IL12RB2: variants seen among roughly 807,000 people sequenced by gnomAD.
IL12RB2 encodes the protein interleukin-12 receptor subunit beta-2.
Under a neutral mutation model 89.4 loss-of-function variants are expected in IL12RB2, and 82 were observed. The observed-to-expected ratio is 0.92, with a 90% CI of 0.77 to 1.10. IL12RB2 has a LOEUF of 1.10. Among genes scored for constraint, IL12RB2 ranks in the 50% least tolerant of loss-of-function variants. IL12RB2 has a pLI of 0.00. For synonymous variants in IL12RB2, 368 were observed against 370.1 expected (o/e 0.99, Z 0.07); for missense variants, 963 against 1,031.9 (o/e 0.93, Z 0.92).
chr1:67,310,945 G>C (rs1014867268), intron 1 of IL12RB2, among the ~76,000 whole-genome samples: 1 of 152,012 alleles, frequency 6.6e-6, no homozygotes, highest in Non-Finnish European at 1.5e-5. Flanking sequence ...GGATGGTCTC[G>C]ATCTCTTGAC....
chr1:67,342,330 A>G (rs1295981750), intron 9 of IL12RB2, among the ~76,000 whole-genome samples: 1 of 152,178 alleles, frequency 6.6e-6, no homozygotes, highest in Non-Finnish European at 1.5e-5. Context: ...AGGAAGCACC[A>G]AGTAAAACCC....
chr1:67,332,772 GA>G (rs1658265197), intron 8 of IL12RB2, among the ~76,000 whole-genome samples: 2 of 152,146 alleles, frequency 1.3e-5, no homozygotes, highest in Non-Finnish European at 2.9e-5. Flanking sequence ...TAAGTAGTCT[GA>G]AAAATATTTA....
chr1:67,336,688 A>T (rs6659932), intron 8 of IL12RB2, among the ~76,000 whole-genome samples: 1 of 152,090 alleles, frequency 6.6e-6, no homozygotes, highest in African/African-American at 2.4e-5. Flanking sequence ...AGAAGGCCCA[A>T]CTGATGGGGG....
chr1:67,367,928 C>T lies in IL12RB2; in HGVS notation c.1362C>T (p.Tyr454=), dbSNP rs765353431. Residue 454 remains tyrosine (Y), a synonymous_variant, in exon 11 of 17, where the codon TAC becomes TAT. Coordinates refer to ENST00000674203, the MANE Select transcript of IL12RB2 (RefSeq NM_001374259.2). ...PRKDPSAVQE[Y]VVEWRELHPG... ...AAGATCCCTCTGCTGTTCAGGAGTA[C>T]GTGGTGGAATGGAGAGAGCTCCATC... is the stretch of plus-strand genomic sequence containing the variant. 11 of 1,605,904 alleles carry T rather than the reference C, an allele frequency of 6.8e-6. No individual in the cohort carries two copies. Among genetic ancestry groups the T allele is most frequent in the Middle Eastern group, 1.7e-4 (1 of 6,044 alleles).
intron 9 of IL12RB2, among the ~76,000 whole-genome samples, chr1:67,344,108 G>A (rs1194945880): frequency 2.0e-5 from 3 of 152,100 alleles, no homozygotes; most frequent in African/African-American, 7.2e-5. Flanking sequence ...GCCTAGTGGA[G>A]CAGGGGAGTG....
At chr1:67,386,114 C>G (rs1277927319) in intron 14 of IL12RB2, among the ~76,000 whole-genome samples, 5 of 138,824 alleles carry the variant, frequency 3.6e-5, no homozygotes, top group African/African-American at 1.3e-4. Flanking sequence ...GAGGCTGAGG[C>G]AGGAGAATCG....
At chr1:67,386,270 C>A (rs1189279504) in intron 14 of IL12RB2, among the ~76,000 whole-genome samples, 1 of 149,594 alleles carries the variant, frequency 6.7e-6, no homozygotes, top group Non-Finnish European at 1.5e-5. Flanking sequence ...TACACATCTG[C>A]TAGCGGCACA....
chr1:67,326,418 TCA>T (rs1657291539), intron 4 of IL12RB2, among the ~76,000 whole-genome samples: 1 of 151,438 alleles, frequency 6.6e-6, no homozygotes, highest in Non-Finnish European at 1.5e-5. Context: ...TTCACCTCTC[TCA>T]GTTTCCTCTC....
At chr1:67,320,574 G>C in intron 3 of IL12RB2, 130 bp downstream of exon 3, 1 of 1,503,574 alleles carries the variant, frequency 6.7e-7, no homozygotes, top group South Asian at 1.2e-5. Context: ...CATTTAAGTG[G>C]ATAAGTCTGG....
intron 13 of IL12RB2, 76 bp downstream of exon 13, chr1:67,372,859 C>T: frequency 1.1e-6 from 1 of 910,640 alleles, no homozygotes; most frequent in Non-Finnish European, 1.9e-6. Context: ...GGTGTGTGTG[C>T]ACATCTACAC....
chr1:67,352,121 G>T (rs1476170316), intron 10 of IL12RB2, among the ~76,000 whole-genome samples: 1 of 152,032 alleles, frequency 6.6e-6, no homozygotes, highest in East Asian at 1.9e-4. Flanking sequence ...TAAAGTATTA[G>T]ATAAAATACT....
intron 8 of IL12RB2, among the ~76,000 whole-genome samples, 187 bp downstream of exon 8, chr1:67,330,997 G>C (rs981887990): frequency 6.6e-6 from 1 of 152,150 alleles, no homozygotes; most frequent in African/African-American, 2.4e-5. Context: ...AAATATGTTT[G>C]TGTTGCAAGG....
rs1357427000 is a variant in IL12RB2 at position 67,341,167 on chromosome 1, C to T, written c.1038+2464C>T. 2.6e-5 allele frequency among the ~76,000 whole-genome samples: 4 copies of T among 152,172 alleles called. No individual in the cohort carries two copies. In the East Asian group the frequency reaches 5.8e-4, roughly 22 times the overall value. ...GTAATAATCCCATAATCCCTAATCCCAGCACCTGGGGAGGTCGAGGTGGGC... is the reference window on the plus strand; with the variant it reads ...GTAATAATCCCATAATCCCTAATCCTAGCACCTGGGGAGGTCGAGGTGGGC... On this transcript the variant is annotated intron_variant, in intron 9 of 16. Coordinates refer to ENST00000674203, the MANE Select transcript of IL12RB2 (RefSeq NM_001374259.2).
chr1:67,393,329 T>C (rs1182759102), intron 16 of IL12RB2, among the ~76,000 whole-genome samples: 1 of 152,228 alleles, frequency 6.6e-6, no homozygotes, highest in African/African-American at 2.4e-5. Flanking sequence ...ATGAGGTTCC[T>C]GAACTGATAG....
chr1:67,332,365 G>A (rs909051881), intron 8 of IL12RB2, among the ~76,000 whole-genome samples: 5 of 151,990 alleles, frequency 3.3e-5, no homozygotes, highest in South Asian at 2.1e-4. Flanking sequence ...ACATGCATGC[G>A]CCACCATGCC....
intron 14 of IL12RB2, among the ~76,000 whole-genome samples, chr1:67,384,292 T>C (rs992337542): frequency 3.9e-5 from 6 of 152,178 alleles, no homozygotes; most frequent in Admixed American, 3.9e-4. Context: ...CAAAACCACA[T>C]GGAAGCTGCC....
chr1:67,384,366 C>T (rs1234510171), intron 14 of IL12RB2, among the ~76,000 whole-genome samples: 1 of 152,268 alleles, frequency 6.6e-6, no homozygotes, highest in Non-Finnish European at 1.5e-5. Context: ...CTTTTAGCCA[C>T]AGCTGGAGTG....
chr1:67,381,100 T>C (rs149738737), intron 14 of IL12RB2, among the ~76,000 whole-genome samples: 5,019 of 152,246 alleles, frequency 0.033, 135 homozygotes, highest in Non-Finnish European at 0.047. Flanking sequence ...CAATATGAAA[T>C]GAATTTAAAA....
intron 1 of IL12RB2, among the ~76,000 whole-genome samples, chr1:67,309,959 G>C (rs940376724): frequency 6.6e-6 from 1 of 152,040 alleles, no homozygotes; most frequent in South Asian, 2.1e-4. Context: ...GGGATCACCT[G>C]AGGTCAGGAG....
Sources: gnomAD v4.1 joint callset for allele counts (sites outside exome capture counted in the v4.1 genomes callset) on GRCh38, gnomAD v4.1.1 for gene constraint, MANE v1.5 for transcripts, NCBI Gene and HGNC (gene_info 2026-07-23, HGNC 2026-07-21) for gene names.